Variants in CFAP65 observed in about 807,000 individuals in gnomAD.
The protein encoded by CFAP65 is cilia- and flagella-associated protein 65.
In CFAP65, 155 loss-of-function variants were observed where a neutral mutation model predicts 208.0. The ratio of observed to expected loss-of-function variants is 0.75; its 90% CI spans 0.65 to 0.85. The LOEUF (loss-of-function observed/expected upper bound fraction) is 0.85. CFAP65 is among the 40% of genes least tolerant of loss of function. The pLI is 0.00. For synonymous variants in CFAP65, 970 were observed against 986.3 expected, an observed-to-expected ratio of 0.98 and a Z score of 0.31; for missense variants, 2,294 against 2,451.3, an observed-to-expected ratio of 0.94 and a Z score of 1.36.
Position 219,010,881 on chromosome 2 carries a change from G to C in CFAP65, c.4073C>G (p.Pro1358Arg), listed in dbSNP as rs1255084796. The stretch of plus-strand genomic sequence containing the variant: ...GCTGCCTGGCTGGATCTCCCCTTTG[G>C]GGTTGAGGCAGCAAAAGATGGGGTG... ...FDHPIFCCLN[P>R]KGEIQPGSTA... The change falls in exon 25 of 35, where the codon CCC becomes CGC. Residue 1358 changes from proline to arginine, a missense_variant. Transcript: ENST00000341552. The C allele has an allele frequency of 2.5e-6, 4 of 1,613,670 alleles. No homozygotes were observed. The highest frequency in any genetic ancestry group is 2.5e-6 in the Non-Finnish European group (3 of 1,179,998).
At position 219,038,574 on chromosome 2, in the gene CFAP65, T is replaced by C. The variant is rs772975765; in HGVS notation, c.158A>G (p.His53Arg). ...QAESKSQIKL[H>R]TQSAPFGLCP... ...CAGTCCAAAGGGAGCACTCTGAGTA[T>C]GGAGCTGGGAAGAGAGCAGAGGGGA... The change falls in exon 4 of 35, where the codon CAT becomes CGT. Residue 53 changes from histidine (H) to arginine (R), a missense_variant. By Grantham distance (29) the His-to-Arg change is conservative (BLOSUM62 0). Transcript: ENST00000341552. 1 of 1,613,464 alleles carries C rather than the reference T, an allele frequency of 6.2e-7. No individual in the cohort carries two copies. The highest frequency in any genetic ancestry group is 8.5e-7 in the Non-Finnish European group (1 of 1,179,626).
In CFAP65 at chr2:219,029,687, GTA is replaced by G. The variant is rs1947884990; in HGVS notation, c.1385-21_1385-20del. 6.2e-7 allele frequency: 1 copy of G among 1,607,448 alleles called. No homozygotes were observed. Among genetic ancestry groups the G allele is most frequent in the Admixed American group, 1.7e-5 (1 of 59,782 alleles). ...GCAGGGCCTGGACACAGGAGATGGG[GTA>G]TCAGCTTCCCCAAGGATATCTTAGA... On this transcript the variant is annotated intron_variant, in intron 10 of 34. Coordinates refer to ENST00000341552, the MANE Select transcript of CFAP65 (RefSeq NM_194302.4).
chr2:219,009,629 G>A (rs532012286), intron 27 of CFAP65, among the ~76,000 whole-genome samples, 169 bp from the exon 28 acceptor site: 1 of 119,360 alleles, frequency 8.4e-6, no homozygotes. Context: ...AATGGGATGG[G>A]ATGGGATGGG....
intron 5 of CFAP65, chr2:219,034,031 C>A (rs546552610): frequency 3.3e-5 from 5 of 152,028 alleles, no homozygotes; most frequent in Non-Finnish European, 7.4e-5. Context: ...ATATAAAATA[C>A]TTATGAATAA....
chr2:219,025,080 C>T (rs915392474), intron 14 of CFAP65, among the ~76,000 whole-genome samples: 1 of 152,182 alleles, frequency 6.6e-6, no homozygotes, highest in Non-Finnish European at 1.5e-5. Context: ...GCTGAGCAGG[C>T]TGCAAAACAC....
In CFAP65 at chr2:219,031,230, T is replaced by C. The variant is rs1948004496; in HGVS notation, c.891A>G (p.Pro297=). ...TCACCTTGATCTGAGAGGCCTGGCC[T>C]GGCTCCAGGAGCCCCGTGGCGGGCA... ...QMLPATGLLE[P]GQASQIKVTF... Residue 297 remains proline, a synonymous_variant, in exon 8 of 35, where the codon CCA becomes CCG. Coordinates refer to ENST00000341552, the MANE Select transcript of CFAP65 (RefSeq NM_194302.4). The surrounding 1 kb of genome is among the most constrained non-coding windows in gnomAD (Gnocchi z 5.2). 2 of 1,613,694 alleles carry C rather than the reference T, an allele frequency of 1.2e-6. No individual in the cohort carries two copies. The highest frequency in any genetic ancestry group is 2.7e-5 in the African/African-American group (2 of 74,918).
Position 219,010,713 on chromosome 2 carries a change from T to G in CFAP65, c.4150-9A>C. ...TGTATGGGCACGTCCACCTGGGGAG[T>G]TAGGAGGGTGGGGGTAGGGACTGGT... On this transcript the variant is annotated splice_polypyrimidine_tract_variant and intron_variant, in intron 25 of 34. Coordinates refer to ENST00000341552, the MANE Select transcript of CFAP65 (RefSeq NM_194302.4). 1 of 1,601,418 alleles carries G rather than the reference T, an allele frequency of 6.2e-7. No homozygotes were observed.
chr2:219,036,877 A>G (rs1341336745), intron 4 of CFAP65, among the ~76,000 whole-genome samples: 3 of 152,250 alleles, frequency 2.0e-5, no homozygotes, highest in African/African-American at 4.8e-5. Flanking sequence ...TGGGACTACA[A>G]TGGTGAACAG....
At chr2:219,037,703 G>A (rs768948351) in intron 4 of CFAP65, among the ~76,000 whole-genome samples, 1 of 152,156 alleles carries the variant, frequency 6.6e-6, no homozygotes, top group Non-Finnish European at 1.5e-5. Context: ...GTGAATCCAA[G>A]GGCAAACAGG....
At chr2:219,040,353 C>T (rs542668315) in intron 2 of CFAP65, among the ~76,000 whole-genome samples, 166 bp downstream of exon 2, 21 of 152,318 alleles carry the variant, frequency 1.4e-4, no homozygotes, top group African/African-American at 4.6e-4. Context: ...CACCAACACC[C>T]TTCCAAAGCG....
At chr2:219,014,126 G>C (rs960167045) in intron 21 of CFAP65, 82 bp from the exon 22 acceptor site, 43 of 1,286,644 alleles carry the variant, frequency 3.3e-5, no homozygotes, top group Non-Finnish European at 4.2e-5. Context: ...TGATGGGCAG[G>C]TGGAGGCTTC....
Position 219,027,943 on chromosome 2 carries a change from C to T in CFAP65, c.1918G>A (p.Gly640Ser), listed in dbSNP as rs377486504. The change falls in exon 13 of 35, where the codon GGC (glycine) becomes AGC (serine). Residue 640 changes from glycine to serine, a missense_variant. Around this residue, in one of 2 missense-constraint regions of CFAP65, gnomAD observed 867 missense variants for 1,012.6 expected, o/e 0.86. Transcript: ENST00000341552. Reference protein sequence around the residue: ...IPPMTEFFFDGTSDITIFPPP... With the variant: ...IPPMTEFFFDSTSDITIFPPP... ...GGGAAGATGGTTATGTCGCTGGTGC[C>T]GTCGAAGAAGAACTCGGTCATGGGG... The T allele has an allele frequency of 1.6e-5, 24 of 1,519,414 alleles. No homozygotes were observed. Among genetic ancestry groups the T allele is most frequent in the Admixed American group, 1.5e-4 (7 of 45,744 alleles). 94.1% of individuals were successfully genotyped at this position (1,519,414 alleles called of 1,614,324 possible). A position where few individuals can be genotyped will look rare whatever the true frequency, so the allele number is the denominator to read the frequency against.
In CFAP65 at chr2:219,030,904, C is replaced by T. The variant is rs1035640469; in HGVS notation, c.1016-70G>A. The T allele has an allele frequency of 7.1e-6, 11 of 1,551,604 alleles. No homozygotes were observed. In the South Asian group the frequency reaches 1.1e-4, roughly 16 times the overall value. ...CTGTGGCCCCAGCTGAACAGCCCCT[C>T]GAAGAAGGCAGGTGGCCCCAGGGAA... On this transcript the variant is annotated intron_variant, in intron 8 of 34. Transcript: ENST00000341552.
At chr2:219,036,056 C>G (rs895220918) in intron 4 of CFAP65, among the ~76,000 whole-genome samples, 1 of 152,202 alleles carries the variant, frequency 6.6e-6, no homozygotes, top group South Asian at 2.1e-4. Flanking sequence ...CAGTCCTGCC[C>G]CTTGCTACAC....
chr2:219,039,196 T>C, intron 2 of CFAP65, 146 bp from the exon 3 acceptor site: 1 of 613,438 alleles, frequency 1.6e-6, no homozygotes, highest in South Asian at 3.1e-5. Context: ...ATGCTATGTA[T>C]GCATACATGT....
In CFAP65 at chr2:219,031,936, T is replaced by G. The variant is rs1948075138; in HGVS notation, c.646-278A>C. ...GTTTCTTTTCTTTTCTTTTTTTTTT[T>G]TTTTTTTTGAGTCTCGCTCTGTCAC... On this transcript the variant is annotated intron_variant, in intron 6 of 34. Transcript: ENST00000341552. The surrounding 1 kb of genome is among the most constrained non-coding windows in gnomAD (Gnocchi z 5.2). Among the ~76,000 whole-genome samples the G allele has an allele frequency of 6.7e-6, 1 of 149,758 alleles. No individual in the cohort carries two copies. The highest frequency in any genetic ancestry group is 2.4e-5 in the African/African-American group (1 of 40,888).
At position 219,024,125 on chromosome 2, in the gene CFAP65, C is replaced by T; in HGVS notation, c.2485G>A (p.Val829Met). The change falls in exon 15 of 35, where the codon GTG (valine) becomes ATG (methionine). Residue 829 changes from valine (V) to methionine (M), a missense_variant. Coordinates refer to ENST00000341552, the MANE Select transcript of CFAP65 (RefSeq NM_194302.4). ...ATGATCTGGTGGGCCCCGGGTGCCA[C>T]AAGGCCCGAAGTGGGCCGAAGGATG... ...DVILRPTSGL[V>M]APGAHQIILI... 1 of 1,614,074 alleles carries T rather than the reference C, an allele frequency of 6.2e-7. No homozygotes were observed. Among genetic ancestry groups the T allele is most frequent in the Admixed American group, 1.7e-5 (1 of 60,034 alleles).
intron 2 of CFAP65, among the ~76,000 whole-genome samples, chr2:219,039,847 C>T (rs1311075485): frequency 6.6e-6 from 1 of 152,174 alleles, no homozygotes; most frequent in Non-Finnish European, 1.5e-5. Flanking sequence ...TTGGCTACCA[C>T]ATTGGACAGC....
rs1454885667 is a variant in CFAP65 at position 219,013,281 on chromosome 2, C to T, written c.3935G>A (p.Gly1312Asp). The T allele has an allele frequency of 2.5e-6, 4 of 1,613,746 alleles. No homozygotes were observed. Among genetic ancestry groups the T allele is most frequent in the Non-Finnish European group, 3.4e-6 (4 of 1,179,800 alleles). ...TTHQFIPIPI[G>D]DTLPPRQIYE... ...GACCTGCCGTGGGGGTAGCGTGTCACCAATGGGAATGGGGATGAACTGGTG... is the reference window on the plus strand; with the variant it reads ...GACCTGCCGTGGGGGTAGCGTGTCATCAATGGGAATGGGGATGAACTGGTG... The change falls in exon 24 of 35, where the codon GGT (glycine) becomes GAT (aspartate). Residue 1312 changes from glycine (G) to aspartate (D), a missense_variant. Gly to Asp is a moderately conservative substitution (Grantham distance 94). Coordinates refer to ENST00000341552, the MANE Select transcript of CFAP65 (RefSeq NM_194302.4).
Sources: gnomAD v4.1 joint callset for allele counts (sites outside exome capture counted in the v4.1 genomes callset) on GRCh38, gnomAD v4.1.1 for gene constraint, gnomAD v4.1.1 regional missense constraint, Gnocchi (gnomAD v3.1) non-coding constraint, MANE v1.5 for transcripts, NCBI Gene and HGNC (gene_info 2026-07-23, HGNC 2026-07-21) for gene names.